The following ASIC2 variants were observed in gnomAD, a reference collection of about 807,000 sequenced individuals.
ASIC2 encodes the protein acid sensing ion channel subunit 2.
ASIC2 carries 25 observed loss-of-function variants against 57.3 expected under a neutral mutation model. The observed-to-expected ratio is 0.44, with a 90% CI of 0.32 to 0.61. The LOEUF is 0.61. Ranked by LOEUF, ASIC2 falls within the 20% of genes least tolerant of loss-of-function variation. The pLI is 0.06. For synonymous variants in ASIC2, 319 were observed against 307.5 expected (o/e 1.04, Z -0.39); for missense variants, 641 against 738.1 (o/e 0.87, Z 1.52).
rs567497091 is a variant in ASIC2 at position 34,039,415 on chromosome 17, A to T, written c.555+116563T>A. 5.5e-5 allele frequency: 88 copies of T among 1,613,812 alleles called. No individual in the cohort carries two copies. In the East Asian group the frequency reaches 1.9e-3, roughly 35 times the overall value. ...TGTGTCAAGCCGAGGTTTTGCTAGC[A>T]TCACTGACATGAGGGTTGGCAGAGC... is the stretch of plus-strand genomic sequence containing the variant. On this transcript the variant is annotated intron_variant, in intron 1 of 9. Coordinates refer to the ASIC2 transcript ENST00000359872.
At chr17:33,898,427 G>T (rs989859295) in intron 1 of ASIC2, among the ~76,000 whole-genome samples, 2 of 151,306 alleles carry the variant, frequency 1.3e-5, no homozygotes, top group African/African-American at 4.9e-5. Flanking sequence ...TAGTAGAGAC[G>T]GGGTTTCACC....
intron 1 of ASIC2, among the ~76,000 whole-genome samples, chr17:33,355,042 T>A (rs1449940355): frequency 6.6e-6 from 1 of 152,174 alleles, no homozygotes; most frequent in Non-Finnish European, 1.5e-5. Context: ...TGTGTCCATG[T>A]GTGTAAGTGT....
At chr17:33,845,611 T>C (rs1913558085) in intron 1 of ASIC2, among the ~76,000 whole-genome samples, 1 of 152,176 alleles carries the variant, frequency 6.6e-6, no homozygotes, top group Admixed American at 6.5e-5. Flanking sequence ...TGGAGTCTCA[T>C]AGTCCTGCTG....
chr17:33,272,598 A>G (rs1904540792), intron 1 of ASIC2, among the ~76,000 whole-genome samples: 1 of 152,128 alleles, frequency 6.6e-6, no homozygotes, highest in Non-Finnish European at 1.5e-5. Context: ...CATCATCATC[A>G]TCATCACCAT....
rs559404130 is a variant in ASIC2 at position 33,647,356 on chromosome 17, G to A, written c.555+508622C>T. Reference sequence around the variant, plus strand: ...AAAGGGAAGATGATGGGTCCTTGGGGCCTCTTTCATATACATTTAAATGGT... The same window carrying A: ...AAAGGGAAGATGATGGGTCCTTGGGACCTCTTTCATATACATTTAAATGGT... On this transcript the variant is annotated intron_variant, in intron 1 of 9. Transcript: ENST00000359872. Among the ~76,000 whole-genome samples the A allele has an allele frequency of 2.0e-5, 3 of 152,116 alleles. No homozygotes were observed. In the South Asian group the frequency reaches 6.2e-4, roughly 32 times the overall value.
chr17:33,863,885 G>A (rs1914159878), intron 1 of ASIC2, among the ~76,000 whole-genome samples: 1 of 140,298 alleles, frequency 7.1e-6, no homozygotes, highest in Non-Finnish European at 1.5e-5. Flanking sequence ...TACATTTACA[G>A]TTACCTCTTT....
rs183929936 is a variant in ASIC2, at chr17:33,675,501, G to A, written c.555+480477C>T. Among the ~76,000 whole-genome samples, 367 of 152,294 alleles carry A rather than the reference G, an allele frequency of 2.4e-3. 1 individual carries two copies. The highest frequency in any genetic ancestry group is 8.6e-3 in the African/African-American group (357 of 41,546). ...TGCAACCTGGGGTTCTTGCCTTGGG[G>A]GACACAGATGAGCTTCACGGCCTCC... On this transcript the variant is annotated intron_variant, in intron 1 of 9. Transcript: ENST00000359872.
intron 1 of ASIC2, among the ~76,000 whole-genome samples, chr17:33,665,528 T>C (rs768149024): frequency 2.6e-5 from 4 of 152,312 alleles, no homozygotes; most frequent in Non-Finnish European, 5.9e-5. Context: ...AAATTAACAA[T>C]CTTTTAAGAA....
chr17:33,633,814 G>T (rs1425649778), intron 1 of ASIC2, among the ~76,000 whole-genome samples: 6 of 152,130 alleles, frequency 3.9e-5, no homozygotes, highest in Non-Finnish European at 7.4e-5. Context: ...GACACAATCG[G>T]GCTTTTACGA....
intron 1 of ASIC2, among the ~76,000 whole-genome samples, chr17:33,386,384 G>T (rs1909677798): frequency 6.6e-6 from 1 of 152,120 alleles, no homozygotes; most frequent in Non-Finnish European, 1.5e-5. Flanking sequence ...CACCCCTGAA[G>T]CTTTCCAAGA....
At chr17:33,485,073 C>T (rs959374623) in intron 1 of ASIC2, among the ~76,000 whole-genome samples, 1 of 152,214 alleles carries the variant, frequency 6.6e-6, no homozygotes, top group Non-Finnish European at 1.5e-5. Flanking sequence ...AGCCAAGAAC[C>T]CTCATGGGCT....
chr17:34,101,597 A>C (rs1278638609), intron 1 of ASIC2, among the ~76,000 whole-genome samples: 1 of 152,182 alleles, frequency 6.6e-6, no homozygotes, highest in Non-Finnish European at 1.5e-5. Context: ...AGGCCTGTGA[A>C]TCTCTCCTTT....
intron 1 of ASIC2, among the ~76,000 whole-genome samples, chr17:33,603,376 A>T (rs942326051): frequency 1.3e-5 from 2 of 151,876 alleles, no homozygotes; most frequent in African/African-American, 2.4e-5. Context: ...TGATCCCAAC[A>T]CAAAGGCACC....
In ASIC2 at chr17:33,630,875, A is replaced by G. The variant is rs1310441815; in HGVS notation, c.556-518808T>C. 2.6e-4 allele frequency among the ~76,000 whole-genome samples: 39 copies of G among 152,226 alleles called. 1 individual carries two copies. The highest frequency in any genetic ancestry group is 4.4e-5 in the Non-Finnish European group (3 of 68,034). ...TTGTTGAGTTGAGATCTGGTCTGGC[A>G]TTGAGTAGGTGCTATACACAAAAGT... On this transcript the variant is annotated intron_variant, in intron 1 of 9. Coordinates refer to the ASIC2 transcript ENST00000359872.
At chr17:33,145,979 G>A (rs537953355) in intron 1 of ASIC2, among the ~76,000 whole-genome samples, 65 of 152,350 alleles carry the variant, frequency 4.3e-4, no homozygotes, top group South Asian at 1.0e-3. Flanking sequence ...CCATGGCCAG[G>A]TGGAGGCAAA....
chr17:34,099,010 T>C (rs1910646346), intron 1 of ASIC2, among the ~76,000 whole-genome samples: 1 of 151,000 alleles, frequency 6.6e-6, no homozygotes, highest in Admixed American at 6.6e-5. Context: ...TCAACAGGGA[T>C]TTAGAGGACT....
intron 1 of ASIC2, among the ~76,000 whole-genome samples, chr17:33,868,834 T>A (rs1914313881): frequency 6.6e-6 from 1 of 152,152 alleles, no homozygotes; most frequent in African/African-American, 2.4e-5. Context: ...GAGGCCAAGA[T>A]GGGAGGATCA....
chr17:34,030,818 G>A (rs1429392118), intron 1 of ASIC2, among the ~76,000 whole-genome samples: 7 of 152,186 alleles, frequency 4.6e-5, no homozygotes, highest in East Asian at 1.9e-4. Flanking sequence ...AGGGGCACCC[G>A]CAATTGCCCA....
chr17:34,042,033 A>T (rs561833453), intron 1 of ASIC2, among the ~76,000 whole-genome samples: 3 of 152,234 alleles, frequency 2.0e-5, no homozygotes, highest in African/African-American at 4.8e-5. Context: ...TCACACGAAG[A>T]TTCCACTGCA....
Sources: allele counts gnomAD v4.1 joint callset (sites outside exome capture counted in the v4.1 genomes callset), GRCh38; gene constraint gnomAD v4.1.1; transcripts MANE v1.5; gene names NCBI Gene and HGNC (gene_info 2026-07-23, HGNC 2026-07-21).